Variants in CSNK1G1 observed in about 807,000 individuals in gnomAD.
The protein encoded by CSNK1G1 is casein kinase I isoform gamma-1.
Under a neutral mutation model 59.6 loss-of-function variants are expected in CSNK1G1, and 22 were observed. The ratio of observed to expected loss-of-function variants is 0.37; its 90% confidence interval spans 0.26 to 0.53. The LOEUF (loss-of-function observed/expected upper bound fraction) is 0.53, where lower values mean the gene tolerates loss of function less well. CSNK1G1 is among the 20% of genes least tolerant of loss of function. CSNK1G1 has a pLI of 0.89. For synonymous variants in CSNK1G1, 179 were observed against 177.1 expected (o/e 1.01, Z -0.08); for missense variants, 384 against 519.5 (o/e 0.74, Z 2.54).
At chr15:64,217,815 C>CAAAAAAAAAAA (rs756842772) in intron 4 of CSNK1G1, among the ~76,000 whole-genome samples, 1 of 85,846 alleles carries the variant, frequency 1.2e-5, no homozygotes. Flanking sequence ...GACTCCATCT[C>CAAAAAAAAAAA]AAAAAAAAAA....
intron 4 of CSNK1G1, among the ~76,000 whole-genome samples, chr15:64,231,157 T>A (rs1596131215): frequency 6.6e-6 from 1 of 150,756 alleles, no homozygotes. Context: ...GGAGACCCCA[T>A]GTTTACAAAA....
chr15:64,262,965 C>T (rs1892774709), intron 2 of CSNK1G1, among the ~76,000 whole-genome samples: 1 of 150,802 alleles, frequency 6.6e-6, no homozygotes, highest in South Asian at 2.1e-4. Context: ...TGTAATCTCA[C>T]CTAATTGGGA....
intron 4 of CSNK1G1, among the ~76,000 whole-genome samples, chr15:64,238,518 A>AAAAATATATATATATAT (rs1555396879): frequency 8.1e-5 from 4 of 49,244 alleles, no homozygotes; most frequent in African/African-American, 4.7e-4. Flanking sequence ...AAAAAAAAAA[A>AAAAATATATATATATAT]ATATATATAT....
At chr15:64,351,972 C>G (rs1898317725) in intron 1 of CSNK1G1, among the ~76,000 whole-genome samples, 2 of 152,050 alleles carry the variant, frequency 1.3e-5, no homozygotes, top group South Asian at 4.1e-4. Context: ...AGCATATGAT[C>G]TCAACTTTAA....
At chr15:64,254,353 C>CTTTT (rs564370323) in intron 3 of CSNK1G1, among the ~76,000 whole-genome samples, 1 of 135,192 alleles carries the variant, frequency 7.4e-6, no homozygotes. Flanking sequence ...TGCCATTGAA[C>CTTTT]TTTTTTTTTT....
intron 10 of CSNK1G1, among the ~76,000 whole-genome samples, chr15:64,187,959 A>G (rs2081920454): frequency 6.6e-6 from 1 of 152,270 alleles, no homozygotes; most frequent in Admixed American, 6.5e-5. Context: ...TAACATTCTC[A>G]GCTTATGCGT....
At chr15:64,318,575 C>A (rs997701699) in intron 1 of CSNK1G1, among the ~76,000 whole-genome samples, 1 of 148,404 alleles carries the variant, frequency 6.7e-6, no homozygotes. Flanking sequence ...AAGACAGGCT[C>A]TCACTCTGTT....
chr15:64,314,565 T>TAA (rs34630204), intron 1 of CSNK1G1, among the ~76,000 whole-genome samples: 7 of 130,628 alleles, frequency 5.4e-5, no homozygotes, highest in African/African-American at 2.0e-4. Flanking sequence ...ACCACAGAAT[T>TAA]AAAAAAAAAA....
At chr15:64,310,906 G>A (rs1895958209) in intron 1 of CSNK1G1, among the ~76,000 whole-genome samples, 1 of 150,338 alleles carries the variant, frequency 6.7e-6, no homozygotes. Context: ...TCGGGAAGCC[G>A]AGGCAGGAGA....
Position 64,192,840 on chromosome 15 carries a change from T to TAAA in CSNK1G1, c.1107+10239_1107+10241dup, listed in dbSNP as rs66643774. ...CCTGAGTGACAGAGTGAGATCTGCC[T>TAAA]AAAAAAAAAAAAAAAAAAAAAAAAA... On this transcript the variant is annotated intron_variant, in intron 10 of 11. Transcript: ENST00000303052. Among the ~76,000 whole-genome samples the TAAA allele has an allele frequency of 5.6e-3, 179 of 32,232 alleles. 12 individuals carry two copies. The highest frequency in any genetic ancestry group is 0.015 in the African/African-American group (124 of 8,402). 21.1% of individuals were successfully genotyped at this position (32,232 alleles called of 152,430 possible).
chr15:64,345,893 C>T (rs1438185333), intron 1 of CSNK1G1, among the ~76,000 whole-genome samples: 2 of 152,048 alleles, frequency 1.3e-5, no homozygotes, highest in Admixed American at 6.6e-5. Flanking sequence ...CCTGGTTAAG[C>T]GATTCTCCTG....
At chr15:64,291,335 C>T (rs1356835857) in intron 2 of CSNK1G1, among the ~76,000 whole-genome samples, 1 of 152,104 alleles carries the variant, frequency 6.6e-6, no homozygotes, top group African/African-American at 2.4e-5. Context: ...GCCTGTAATC[C>T]CAGCACTTTG....
intron 1 of CSNK1G1, among the ~76,000 whole-genome samples, chr15:64,301,640 C>A (rs188153566): frequency 1.3e-5 from 2 of 152,226 alleles, no homozygotes; most frequent in Admixed American, 6.5e-5. Flanking sequence ...GTAATCCCAG[C>A]ACTTTGGGAG....
At chr15:64,268,848 T>C (rs996995489) in intron 2 of CSNK1G1, among the ~76,000 whole-genome samples, 1 of 152,042 alleles carries the variant, frequency 6.6e-6, no homozygotes, top group Admixed American at 6.6e-5. Context: ...GTTGGAAAAA[T>C]GCATGAATAC....
chr15:64,233,562 A>G (rs1040795157), intron 4 of CSNK1G1, among the ~76,000 whole-genome samples: 6 of 152,230 alleles, frequency 3.9e-5, no homozygotes, highest in Admixed American at 1.3e-4. Context: ...TCTCTTGCTT[A>G]TATTTCATCA....
chr15:64,251,595 A>G lies in CSNK1G1; in HGVS notation c.223-14T>C, dbSNP rs759188937. 3.1e-6 allele frequency: 5 copies of G among 1,591,096 alleles called. No individual in the cohort carries two copies. The South Asian group carries it at 4.4e-5, about 14-fold the overall frequency. ...TTTTATTGGTTCCTGAAATCCAAAA[A>G]GAAAAACTGTGATCAGATTTAAACA... On this transcript the variant is annotated splice_polypyrimidine_tract_variant and intron_variant, in intron 3 of 11. Coordinates refer to ENST00000303052, the MANE Select transcript of CSNK1G1 (RefSeq NM_022048.5).
intron 6 of CSNK1G1, among the ~76,000 whole-genome samples, chr15:64,212,931 G>A (rs530073413): frequency 1.6e-4 from 24 of 151,824 alleles, no homozygotes; most frequent in African/African-American, 4.6e-4. Context: ...GCTTGAACCC[G>A]CGAGGCAGAG....
intron 1 of CSNK1G1, among the ~76,000 whole-genome samples, chr15:64,342,882 G>C (rs1234120190): frequency 6.6e-6 from 1 of 152,122 alleles, no homozygotes; most frequent in Non-Finnish European, 1.5e-5. Context: ...CTGGACCCCA[G>C]TCTAGAGTTT....
intron 6 of CSNK1G1, among the ~76,000 whole-genome samples, chr15:64,211,834 C>G (rs1282819144): frequency 6.6e-6 from 1 of 152,200 alleles, no homozygotes; most frequent in Non-Finnish European, 1.5e-5. Flanking sequence ...AACATGAACA[C>G]CCATCCCTTG....
Sources: allele counts gnomAD v4.1 joint callset (sites outside exome capture counted in the v4.1 genomes callset), GRCh38; gene constraint gnomAD v4.1.1; transcripts MANE v1.5; gene names NCBI Gene and HGNC (gene_info 2026-07-23, HGNC 2026-07-21).